Variants in ZNF746 observed in about 807,000 individuals in gnomAD.
ZNF746 encodes zinc finger protein 746, also known as parkin-interacting substrate.
ZNF746 carries 13 observed loss-of-function variants against 41.0 expected under a neutral mutation model. The observed-to-expected ratio is 0.32, with a 90% CI of 0.21 to 0.50. The LOEUF (loss-of-function observed/expected upper bound fraction) is 0.50. Ranked by LOEUF, ZNF746 falls within the 20% of genes least tolerant of loss-of-function variation. The pLI is 0.98. For synonymous variants in ZNF746, 424 were observed against 396.2 expected, an observed-to-expected ratio of 1.07 and a Z score of -0.83; for missense variants, 811 against 922.9, an observed-to-expected ratio of 0.88 and a Z score of 1.57.
rs189654398 is a variant in ZNF746, at chr7:149,494,109, C to T, written c.331G>A (p.Val111Met). ...TACACGGCCACATCATCAAAGGTCA[C>T]GGGCACCTGGAACCACAAGTGTCAC... ...GSKGESPKVP[V>M]TFDDVAVYFS... Residue 111 changes from valine to methionine, a missense_variant, in exon 3 of 7, where the codon GTG (valine) becomes ATG (methionine). Transcript: ENST00000458143. The surrounding 1 kb of genome is among the most constrained non-coding windows in gnomAD (Gnocchi z 5.6). 515 of 1,614,156 alleles carry T rather than the reference C, an allele frequency of 3.2e-4. 1 individual carries two copies. The African/African-American group carries it at 4.3e-3, about 14-fold the overall frequency.
rs1800180278 is a variant in ZNF746, at chr7:149,473,792, G to A, written c.*592C>T. 6.4e-6 allele frequency: 1 copy of A among 156,272 alleles called. No homozygotes were observed. Among genetic ancestry groups the A allele is most frequent in the Non-Finnish European group, 1.4e-5 (1 of 70,292 alleles). 9.7% of individuals were successfully genotyped at this position (156,272 alleles called of 1,614,324 possible). A position where few individuals can be genotyped will look rare whatever the true frequency, so the allele number is the denominator to read the frequency against. On this transcript the variant is annotated 3_prime_UTR_variant, in exon 7 of 7. Transcript: ENST00000458143. ...CCAGCACTTTTGGGGGGCCTTTTCA[G>A]GAGAGGCAAGCTGGGAAATGCAACC...
chr7:149,479,366 G>C (rs182055834), intron 4 of ZNF746, among the ~76,000 whole-genome samples: 3 of 152,170 alleles, frequency 2.0e-5, no homozygotes, highest in Non-Finnish European at 2.9e-5. Context: ...CAAATGTTGA[G>C]AGAAAACATC....
At chr7:149,480,976 T>C (rs992342557) in intron 4 of ZNF746, among the ~76,000 whole-genome samples, 1 of 152,180 alleles carries the variant, frequency 6.6e-6, no homozygotes, top group African/African-American at 2.4e-5. Context: ...TTTTCCCAAA[T>C]TGGTGAAACA....
chr7:149,485,517 G>A (rs1482054324), intron 4 of ZNF746, among the ~76,000 whole-genome samples: 1 of 152,156 alleles, frequency 6.6e-6, no homozygotes, highest in Non-Finnish European at 1.5e-5. Context: ...GACGAACTCT[G>A]AAAACCTTTA....
chr7:149,480,439 G>A (rs1055532983), intron 4 of ZNF746, among the ~76,000 whole-genome samples: 4 of 152,036 alleles, frequency 2.6e-5, no homozygotes, highest in Non-Finnish European at 4.4e-5. Flanking sequence ...TTGTTTGTTT[G>A]TTTGTTTGTT....
rs1255663035 is a variant in ZNF746 at position 149,476,973 on chromosome 7, A to G, written c.832T>C (p.Ser278Pro). Residue 278 changes from serine to proline, a missense_variant, in exon 6 of 7, where the codon TCA becomes CCA. Ser to Pro is a moderately conservative substitution (Grantham distance 74). Coordinates refer to ENST00000458143, the MANE Select transcript of ZNF746 (RefSeq NM_001394198.1). ...QTDLPPHHPS[S>P]ACSDGTLKLN... is the part of the protein sequence containing the mutation. The stretch of plus-strand genomic sequence containing the variant: ...TTCAGGGTCCCGTCCGAGCATGCTG[A>G]AGAGGGATGGTGGGGAGGGAGATCC... The G allele has an allele frequency of 1.1e-5, 17 of 1,613,786 alleles. No homozygotes were observed. Among genetic ancestry groups the G allele is most frequent in the Non-Finnish European group, 1.4e-5 (16 of 1,179,952 alleles).
intron 4 of ZNF746, among the ~76,000 whole-genome samples, chr7:149,482,883 C>T (rs1443540716): frequency 1.3e-5 from 2 of 152,184 alleles, no homozygotes; most frequent in Non-Finnish European, 2.9e-5. Context: ...ATATATCTCT[C>T]TGTAATTGAT....
chr7:149,476,174 C>T (rs1370270725), intron 6 of ZNF746, among the ~76,000 whole-genome samples: 3 of 151,802 alleles, frequency 2.0e-5, no homozygotes, highest in African/African-American at 7.3e-5. Context: ...ATTAGCTGGG[C>T]GTGGTGGCGG....
At chr7:149,477,124 G>A in intron 5 of ZNF746, 77 bp from the exon 6 acceptor site, 3 of 1,494,940 alleles carry the variant, frequency 2.0e-6, no homozygotes, top group Non-Finnish European at 2.7e-6. Context: ...GAGGAGAGCA[G>A]GCTAAACTCT....
chr7:149,476,821 T>C (rs542183876), intron 6 of ZNF746, 101 bp downstream of exon 6: 3 of 1,537,534 alleles, frequency 2.0e-6, no homozygotes, highest in East Asian at 2.3e-5. Flanking sequence ...GTCTGTTGGC[T>C]GGAAGGTCAG....
In ZNF746 at chr7:149,497,337, G is replaced by A; in HGVS notation, c.24+176C>T. ...CGGGTTCGGCTCGGAGTGGGGGCCC[G>A]GCCGACGGGCGCAGTAGGCCCCGGC... is the stretch of plus-strand genomic sequence containing the variant. On this transcript the variant is annotated intron_variant, in intron 1 of 6. Coordinates refer to ENST00000458143, the MANE Select transcript of ZNF746 (RefSeq NM_001394198.1). The surrounding 1 kb of genome is among the most constrained non-coding windows in gnomAD (Gnocchi z 4.2). 5 of 981,884 alleles carry A rather than the reference G, an allele frequency of 5.1e-6. No homozygotes were observed. The highest frequency in any genetic ancestry group is 6.0e-6 in the Non-Finnish European group (5 of 826,922). The allele number at this position is 981,884 out of a possible 1,614,324, so 60.8% of individuals were successfully genotyped here.
chr7:149,492,711 A>G (rs1047629731), intron 4 of ZNF746, 148 bp downstream of exon 4: 3 of 649,780 alleles, frequency 4.6e-6, no homozygotes, highest in South Asian at 3.5e-5. Flanking sequence ...AGAGATTAAA[A>G]CTCAACTATA....
Position 149,494,118 on chromosome 7 carries a change from G to A in ZNF746, c.325-3C>T, listed in dbSNP as rs1800903794. ...ACATCATCAAAGGTCACGGGCACCT[G>A]GAACCACAAGTGTCACACTCGCTCA... On this transcript the variant is annotated splice_polypyrimidine_tract_variant and splice_region_variant and intron_variant, in intron 2 of 6. Transcript: ENST00000458143. The surrounding 1 kb of genome is among the most constrained non-coding windows in gnomAD (Gnocchi z 5.6). 1 of 1,614,134 alleles carries A rather than the reference G, an allele frequency of 6.2e-7. No individual in the cohort carries two copies. Among genetic ancestry groups the A allele is most frequent in the Non-Finnish European group, 8.5e-7 (1 of 1,180,030 alleles).
Position 149,494,163 on chromosome 7 carries a change from G to C in ZNF746, c.324+41C>G. 2 of 1,613,778 alleles carry C rather than the reference G, an allele frequency of 1.2e-6. No individual in the cohort carries two copies. Among genetic ancestry groups the C allele is most frequent in the East Asian group, 4.5e-5 (2 of 44,856 alleles). ...CGCTCACCCACACGCTCACGGGTTT[G>C]GCCGCTTGGGCTCCCACACCCCAAG... On this transcript the variant is annotated intron_variant, in intron 2 of 6. Transcript: ENST00000458143. The surrounding 1 kb of genome is among the most constrained non-coding windows in gnomAD (Gnocchi z 5.6).
intron 4 of ZNF746, chr7:149,489,502 T>C (rs1207272481): frequency 6.6e-6 from 1 of 152,288 alleles, no homozygotes; most frequent in African/African-American, 2.4e-5. Context: ...AAAGTAGGCC[T>C]GGAGTCCTGG....
chr7:149,497,226 GCT>G lies in ZNF746; in HGVS notation c.24+285_24+286del, dbSNP rs1801034294. The G allele has an allele frequency of 2.0e-6, 2 of 983,384 alleles. No homozygotes were observed. The highest frequency in any genetic ancestry group is 9.4e-5 in the South Asian group (2 of 21,256). 60.9% of individuals were successfully genotyped at this position (983,384 alleles called of 1,614,324 possible). ...GGGCACCCAGAAGGAGGGGACAGCG[GCT>G]GGGGCGGGGGCAGGAAGCCCCGGAG... On this transcript the variant is annotated intron_variant, in intron 1 of 6. Transcript: ENST00000458143. The surrounding 1 kb of genome is among the most constrained non-coding windows in gnomAD (Gnocchi z 4.2).
At chr7:149,487,897 C>G (rs1479621335) in intron 4 of ZNF746, 1 of 152,106 alleles carries the variant, frequency 6.6e-6, no homozygotes, top group Non-Finnish European at 1.5e-5. Flanking sequence ...TTCTTAGGAA[C>G]TTGACATACA....
intron 3 of ZNF746, among the ~76,000 whole-genome samples, chr7:149,493,510 C>A (rs1475087890): frequency 2.6e-4 from 40 of 152,126 alleles, no homozygotes; most frequent in African/African-American, 7.7e-4. Context: ...GCAGTAGCCC[C>A]AGGGGCTGAG....
Position 149,474,485 on chromosome 7 carries a change from T to C in ZNF746, c.1882A>G (p.Lys628Glu). ...AAAGGTCCTTTGGAGGCGGGGCTCT[T>C]GAAGGGATCAGGAGGTGCGGGCGGC... The part of the protein sequence containing the change: ...PTPPAPPDPF[K>E]SPASKGPLAS... The change falls in exon 7 of 7, where the codon AAG (lysine) becomes GAG (glutamate). Residue 628 changes from lysine (K) to glutamate (E), a missense_variant. Physicochemically the swap from Lys to Glu is moderately conservative, Grantham distance 56. This residue lies in a region of ZNF746 where 99 missense variants were observed against 80.3 expected (regional missense o/e 1.23). Coordinates refer to ENST00000458143, the MANE Select transcript of ZNF746 (RefSeq NM_001394198.1). This position sits in a 1 kb window ranked among gnomAD's most constrained non-coding sequence, Gnocchi z 6.3. 1 of 1,610,796 alleles carries C rather than the reference T, an allele frequency of 6.2e-7. No homozygotes were observed. The highest frequency in any genetic ancestry group is 1.1e-5 in the South Asian group (1 of 90,492).
Sources: allele counts gnomAD v4.1 joint callset (sites outside exome capture counted in the v4.1 genomes callset), GRCh38; gene constraint gnomAD v4.1.1; regional missense constraint gnomAD v4.1.1; non-coding constraint Gnocchi (gnomAD v3.1); transcripts MANE v1.5; gene names NCBI Gene and HGNC (gene_info 2026-07-23, HGNC 2026-07-21).